The following CDH20 variants were observed in gnomAD, a reference collection of about 807,000 sequenced individuals.
CDH20 encodes cadherin 20.
A neutral mutation model predicts 74.2 loss-of-function variants in CDH20; 29 were observed. That is an observed-to-expected ratio of 0.39 (90% CI 0.29 to 0.53). The LOEUF (loss-of-function observed/expected upper bound fraction) is 0.53, where lower values mean the gene tolerates loss of function less well. Among genes scored for constraint, CDH20 ranks in the 20% least tolerant of loss-of-function variants. The pLI is 0.69. For missense variants in CDH20, 988 were observed against 1,048.3 expected, an observed-to-expected ratio of 0.94 and a Z score of 0.79; for synonymous variants, 469 against 405.4, an observed-to-expected ratio of 1.16 and a Z score of -1.88.
At chr18:61,349,944 TA>T (rs1301545185) in intron 1 of CDH20, among the ~76,000 whole-genome samples, 1 of 152,254 alleles carries the variant, frequency 6.6e-6, no homozygotes, top group African/African-American at 2.4e-5. Flanking sequence ...GCTTATTAGC[TA>T]ATGTATTTGT....
rs199996877 is a variant in CDH20, at chr18:61,490,948, C to T, written c.246+149C>T. On this transcript the variant is annotated intron_variant, in intron 2 of 11. Coordinates refer to ENST00000262717, the MANE Select transcript of CDH20 (RefSeq NM_031891.4). ...TTGACACCTAGCTAAAATGTAACTTCTGCTTTGTCAGAGACCAGTCTGAAA... is the reference window on the plus strand; with the variant it reads ...TTGACACCTAGCTAAAATGTAACTTTTGCTTTGTCAGAGACCAGTCTGAAA... 26 of 811,284 alleles carry T rather than the reference C, an allele frequency of 3.2e-5. No individual in the cohort carries two copies. In the East Asian group the frequency reaches 6.6e-4, roughly 21 times the overall value. The allele number at this position is 811,284 out of a possible 1,614,324, so 50.3% of individuals were successfully genotyped here.
At chr18:61,478,100 G>A (rs774187287) in intron 1 of CDH20, among the ~76,000 whole-genome samples, 22 of 151,750 alleles carry the variant, frequency 1.4e-4, no homozygotes, top group Non-Finnish European at 3.1e-4. Context: ...TTGGGAGGCT[G>A]AGAAAGAAGA....
At chr18:61,349,314 C>T (rs953792631) in intron 1 of CDH20, among the ~76,000 whole-genome samples, 5 of 152,158 alleles carry the variant, frequency 3.3e-5, no homozygotes, top group African/African-American at 1.2e-4. Context: ...CCAGGGAAAA[C>T]AGAAGACTTT....
intron 1 of CDH20, among the ~76,000 whole-genome samples, chr18:61,445,817 C>T (rs1220093774): frequency 6.6e-6 from 1 of 152,194 alleles, no homozygotes; most frequent in Admixed American, 6.5e-5. Context: ...GAGGGCTCCT[C>T]TGTGCTCTGC....
chr18:61,476,596 G>T (rs938489781), intron 1 of CDH20, among the ~76,000 whole-genome samples: 1 of 152,188 alleles, frequency 6.6e-6, no homozygotes, highest in Non-Finnish European at 1.5e-5. Context: ...AAGGACCACT[G>T]GATGAAATCT....
At position 61,395,351 on chromosome 18, in the gene CDH20, T is replaced by G. The variant is rs138506941; in HGVS notation, c.-153+61524T>G. On this transcript the variant is annotated intron_variant, in intron 1 of 11. Transcript: ENST00000262717. ...TATATAAAATTCATAGTGCAGTGCCTGGTACTTGATAAGCACTGAATAAAT... is the reference window on the plus strand; with the variant it reads ...TATATAAAATTCATAGTGCAGTGCCGGGTACTTGATAAGCACTGAATAAAT... Among the ~76,000 whole-genome samples the G allele has an allele frequency of 2.0e-3, 300 of 152,322 alleles. 1 individual carries two copies. The highest frequency in any genetic ancestry group is 6.9e-3 in the African/African-American group (285 of 41,572).
intron 1 of CDH20, among the ~76,000 whole-genome samples, chr18:61,343,119 T>C (rs1426711950): frequency 6.6e-6 from 1 of 152,210 alleles, no homozygotes; most frequent in African/African-American, 2.4e-5. Flanking sequence ...TTATATGCCC[T>C]GAACCCAGTA....
At chr18:61,469,128 T>C (rs926848129) in intron 1 of CDH20, among the ~76,000 whole-genome samples, 1 of 152,168 alleles carries the variant, frequency 6.6e-6, no homozygotes, top group African/African-American at 2.4e-5. Flanking sequence ...TGAAGCCAAC[T>C]TCAGAATTCA....
chr18:61,342,691 G>C (rs150680865), intron 1 of CDH20, among the ~76,000 whole-genome samples: 37 of 152,250 alleles, frequency 2.4e-4, no homozygotes, highest in African/African-American at 8.7e-4. Context: ...AGTACCCCTA[G>C]TTGAGAACCA....
intron 1 of CDH20, among the ~76,000 whole-genome samples, chr18:61,382,225 G>A (rs972977558): frequency 6.6e-6 from 1 of 151,984 alleles, no homozygotes; most frequent in East Asian, 1.9e-4. Flanking sequence ...ATAAAGCCTC[G>A]GATCACTTTC....
intron 1 of CDH20, among the ~76,000 whole-genome samples, chr18:61,402,247 G>A (rs1348885509): frequency 6.6e-6 from 1 of 152,160 alleles, no homozygotes. Context: ...GTATCCCCAT[G>A]CCTTTGGGGA....
chr18:61,367,189 G>A (rs548519690), intron 1 of CDH20, among the ~76,000 whole-genome samples: 1 of 152,238 alleles, frequency 6.6e-6, no homozygotes, highest in African/African-American at 2.4e-5. Context: ...AGTAAGAAGA[G>A]AAGCACGGCA....
chr18:61,368,935 G>T (rs531387355), intron 1 of CDH20, among the ~76,000 whole-genome samples: 7 of 148,986 alleles, frequency 4.7e-5, no homozygotes, highest in African/African-American at 1.7e-4. Flanking sequence ...CTAGTCACAT[G>T]AAAAAGCTGT....
chr18:61,340,349 A>G (rs1909907378), intron 1 of CDH20, among the ~76,000 whole-genome samples: 1 of 151,996 alleles, frequency 6.6e-6, no homozygotes, highest in African/African-American at 2.4e-5. Flanking sequence ...GAAAGCCAGG[A>G]TAGAATTAGC....
Position 61,514,855 on chromosome 18 carries a change from A to G in CDH20, c.1017+7295A>G, listed in dbSNP as rs375928117. On this transcript the variant is annotated intron_variant, in intron 6 of 11. Coordinates refer to ENST00000262717, the MANE Select transcript of CDH20 (RefSeq NM_031891.4). ...ACCCACTTGAGGAGGCAGTCTGCCC[A>G]TTCTCAGATCTCCAGCTGCGTGCTG... Among the ~76,000 whole-genome samples the G allele has an allele frequency of 2.0e-3, 301 of 151,834 alleles. 1 individual carries two copies. Among genetic ancestry groups the G allele is most frequent in the South Asian group, 4.6e-3 (22 of 4,812 alleles).
At chr18:61,463,612 G>C (rs930056848) in intron 1 of CDH20, among the ~76,000 whole-genome samples, 3 of 152,082 alleles carry the variant, frequency 2.0e-5, no homozygotes, top group Admixed American at 2.0e-4. Context: ...GCTGTGCGTT[G>C]GGGGAGAAAG....
chr18:61,461,924 CTAAA>C (rs1309009691), intron 1 of CDH20, among the ~76,000 whole-genome samples: 4 of 152,108 alleles, frequency 2.6e-5, no homozygotes, highest in African/African-American at 4.8e-5. Flanking sequence ...CAATCAGAGG[CTAAA>C]TAGTTACGAA....
At chr18:61,347,563 CAAAA>C (rs1419564979) in intron 1 of CDH20, among the ~76,000 whole-genome samples, 4 of 147,762 alleles carry the variant, frequency 2.7e-5, no homozygotes, top group African/African-American at 1.0e-4. Flanking sequence ...CACACACACA[CAAAA>C]ACACAAAAAC....
intron 1 of CDH20, among the ~76,000 whole-genome samples, chr18:61,449,757 GA>G (rs149087987): frequency 1.2e-3 from 178 of 150,926 alleles, no homozygotes; most frequent in African/African-American, 4.2e-3. Context: ...TTTTAAAATA[GA>G]AAAAAATATA....
Sources: gnomAD v4.1 joint callset for allele counts (sites outside exome capture counted in the v4.1 genomes callset) on GRCh38, gnomAD v4.1.1 for gene constraint, MANE v1.5 for transcripts, NCBI Gene and HGNC (gene_info 2026-07-23, HGNC 2026-07-21) for gene names.